THAP4: variants seen among roughly 807,000 people sequenced by gnomAD.
THAP4 encodes the protein THAP domain containing 4, also known as peroxynitrite isomerase THAP4.
Under a neutral mutation model 48.1 loss-of-function variants are expected in THAP4, and 18 were observed. The ratio of observed to expected loss-of-function variants is 0.37; its 90% CI spans 0.26 to 0.56. THAP4 has a LOEUF of 0.56. THAP4 is among the 20% of genes least tolerant of loss of function. THAP4 has a pLI of 0.78. For missense variants in THAP4, 656 were observed against 774.9 expected, an observed-to-expected ratio of 0.85 and a Z score of 1.82; for synonymous variants, 345 against 324.9, an observed-to-expected ratio of 1.06 and a Z score of -0.66.
intron 2 of THAP4, among the ~76,000 whole-genome samples, chr2:241,629,904 G>A (rs1575039395): frequency 6.6e-6 from 1 of 152,012 alleles, no homozygotes; most frequent in East Asian, 1.9e-4. Flanking sequence ...CTGGTCCGCT[G>A]ACTAACACAA....
intron 2 of THAP4, among the ~76,000 whole-genome samples, chr2:241,614,353 C>T (rs947259909): frequency 1.3e-5 from 2 of 152,036 alleles, no homozygotes; most frequent in Non-Finnish European, 2.9e-5. Flanking sequence ...GAATGGCTCT[C>T]CCGAATGAAG....
At position 241,629,472 on chromosome 2, in the gene THAP4, T is replaced by TA. The variant is rs201986582; in HGVS notation, c.1240+3444dup. Among the ~76,000 whole-genome samples the TA allele has an allele frequency of 4.9e-3, 674 of 137,812 alleles. 2 individuals carry two copies. The highest frequency in any genetic ancestry group is 0.014 in the African/African-American group (507 of 37,286). The allele number at this position is 137,812 out of a possible 152,430, so 90.4% of individuals were successfully genotyped here. A position where few individuals can be genotyped will look rare whatever the true frequency, so the allele number is the denominator to read the frequency against. ...GGTGACAGAGCAAAGCCCTGTCTCT[T>TA]AAAAAAAAAAAAAGAAAAGAAAAAA... On this transcript the variant is annotated intron_variant, in intron 2 of 5. Coordinates refer to ENST00000407315, the MANE Select transcript of THAP4 (RefSeq NM_015963.6).
intron 3 of THAP4, among the ~76,000 whole-genome samples, chr2:241,603,708 C>T (rs536197126): frequency 1.3e-5 from 2 of 152,352 alleles, no homozygotes; most frequent in South Asian, 4.1e-4. Flanking sequence ...GAGCTATGCT[C>T]TTGTGTAAGA....
At chr2:241,611,585 G>A (rs1249696779) in intron 2 of THAP4, among the ~76,000 whole-genome samples, 4 of 152,080 alleles carry the variant, frequency 2.6e-5, no homozygotes, top group Middle Eastern at 3.2e-3. Context: ...CTAGCCGGGC[G>A]TGGTGGCGGG....
At chr2:241,602,244 C>T in intron 4 of THAP4, 1 of 545,876 alleles carries the variant, frequency 1.8e-6, no homozygotes, top group Non-Finnish European at 3.3e-6. Context: ...CCAGCCCTCC[C>T]ACCTCCACCC....
intron 5 of THAP4, among the ~76,000 whole-genome samples, chr2:241,585,666 T>C (rs2066884589): frequency 6.6e-6 from 1 of 151,460 alleles, no homozygotes; most frequent in Admixed American, 6.6e-5. Flanking sequence ...GAGAGGGATG[T>C]GGTAGCTAAG....
At chr2:241,614,516 A>T (rs1236800179) in intron 2 of THAP4, among the ~76,000 whole-genome samples, 1 of 152,228 alleles carries the variant, frequency 6.6e-6, no homozygotes, top group African/African-American at 2.4e-5. Flanking sequence ...GAATGAATAC[A>T]AATAAAACAA....
chr2:241,634,517 C>T (rs904917588), intron 1 of THAP4, among the ~76,000 whole-genome samples: 4 of 152,204 alleles, frequency 2.6e-5, no homozygotes, highest in South Asian at 4.1e-4. Context: ...GACACTAGGG[C>T]GTGAGAGGTC....
At chr2:241,629,468 C>T (rs528811290) in intron 2 of THAP4, among the ~76,000 whole-genome samples, 1 of 141,088 alleles carries the variant, frequency 7.1e-6, no homozygotes, top group Admixed American at 7.2e-5. Context: ...AAAGCCCTGT[C>T]TCTTAAAAAA....
intron 2 of THAP4, among the ~76,000 whole-genome samples, chr2:241,622,596 A>C (rs551912330): frequency 0.022 from 3,244 of 149,542 alleles, 131 homozygotes; most frequent in African/African-American, 0.073. Flanking sequence ...GAAAACAAAC[A>C]AAAAAAAAGT....
intron 2 of THAP4, among the ~76,000 whole-genome samples, chr2:241,614,972 C>T (rs1201505321): frequency 6.6e-6 from 1 of 152,176 alleles, no homozygotes; most frequent in Admixed American, 6.5e-5. Context: ...GCAAACTGGC[C>T]TTCTAAATGG....
At chr2:241,593,119 C>T (rs527556782) in intron 5 of THAP4, among the ~76,000 whole-genome samples, 1 of 152,184 alleles carries the variant, frequency 6.6e-6, no homozygotes, top group Non-Finnish European at 1.5e-5. Context: ...GTGGTAAACG[C>T]CTGTAGTCTC....
At position 241,612,260 on chromosome 2, in the gene THAP4, A is replaced by G. The variant is rs1271180955; in HGVS notation, c.1241-5787T>C. Among the ~76,000 whole-genome samples, 1 of 152,230 alleles carries G rather than the reference A, an allele frequency of 6.6e-6. No homozygotes were observed. Among genetic ancestry groups the G allele is most frequent in the Non-Finnish European group, 1.5e-5 (1 of 68,042 alleles). On this transcript the variant is annotated intron_variant, in intron 2 of 5. Coordinates refer to ENST00000407315, the MANE Select transcript of THAP4 (RefSeq NM_015963.6). The surrounding 1 kb of genome is among the most constrained non-coding windows in gnomAD (Gnocchi z 4.1). ...ACACAGAGGACAGAAATGAGTTAAA[A>G]AAAAAGACAAAAGATAGAGAAATGG...
At chr2:241,599,523 ACAAAAATGATAAAACACTTGAGTT>A (rs1475439822) in intron 5 of THAP4, among the ~76,000 whole-genome samples, 1 of 152,184 alleles carries the variant, frequency 6.6e-6, no homozygotes, top group African/African-American at 2.4e-5. Flanking sequence ...TTTACAAGCA[ACAAAAATGATAAAACACTTGAGTT>A]TACCCTAACA....
chr2:241,620,785 G>A (rs367960190), intron 2 of THAP4, among the ~76,000 whole-genome samples: 57 of 151,990 alleles, frequency 3.8e-4, no homozygotes, highest in African/African-American at 1.2e-3. Flanking sequence ...ATTGTACTAC[G>A]ATGTTACAAT....
chr2:241,602,727 T>C (rs1401415903), intron 4 of THAP4, among the ~76,000 whole-genome samples: 1 of 152,194 alleles, frequency 6.6e-6, no homozygotes, highest in Non-Finnish European at 1.5e-5. Context: ...GACGTGGCAC[T>C]GGGTAAACGG....
chr2:241,613,082 A>G (rs2067298400), intron 2 of THAP4, among the ~76,000 whole-genome samples: 1 of 152,196 alleles, frequency 6.6e-6, no homozygotes, highest in Non-Finnish European at 1.5e-5. Context: ...ATTAGAAAAT[A>G]TTAAACTACA....
intron 2 of THAP4, among the ~76,000 whole-genome samples, chr2:241,627,645 T>C (rs192700724): frequency 6.6e-6 from 1 of 152,074 alleles, no homozygotes; most frequent in Admixed American, 6.6e-5. Context: ...TCCACATAAA[T>C]CCCTAAAGAA....
intron 5 of THAP4, among the ~76,000 whole-genome samples, chr2:241,590,336 CTGA>C (rs2066945884): frequency 6.6e-6 from 1 of 151,058 alleles, no homozygotes; most frequent in East Asian, 2.0e-4. Flanking sequence ...AGCTGCCCGG[CTGA>C]TGATGATGGG....
Sources: gnomAD v4.1 joint callset for allele counts (sites outside exome capture counted in the v4.1 genomes callset) on GRCh38, gnomAD v4.1.1 for gene constraint, Gnocchi (gnomAD v3.1) non-coding constraint, MANE v1.5 for transcripts, NCBI Gene and HGNC (gene_info 2026-07-23, HGNC 2026-07-21) for gene names.